PRR5L: variants seen among roughly 807,000 people sequenced by gnomAD.
The protein encoded by PRR5L is proline rich 5 like, also known as proline-rich protein 5-like.
PRR5L carries 21 observed loss-of-function variants against 36.4 expected under a neutral mutation model. That is an observed-to-expected ratio of 0.58 (90% confidence interval 0.41 to 0.83). PRR5L has a LOEUF of 0.83. Among genes scored for constraint, PRR5L ranks in the 40% least tolerant of loss-of-function variants. The probability of loss-of-function intolerance (pLI) is 0.00; values close to 1 mark genes in which losing one functional copy is unlikely to be tolerated. For missense variants in PRR5L, 381 were observed against 473.3 expected, an observed-to-expected ratio of 0.80 and a Z score of 1.81; for synonymous variants, 188 against 197.0, an observed-to-expected ratio of 0.95 and a Z score of 0.38.
At chr11:36,431,126 G>C (rs1289230965) in intron 4 of PRR5L, among the ~76,000 whole-genome samples, 2 of 152,180 alleles carry the variant, frequency 1.3e-5, no homozygotes, top group African/African-American at 4.8e-5. Context: ...GGGAAGACTT[G>C]CTGGAAGGCA....
At chr11:36,349,340 A>G (rs1856903378) in intron 1 of PRR5L, among the ~76,000 whole-genome samples, 1 of 116,926 alleles carries the variant, frequency 8.6e-6, no homozygotes, top group Admixed American at 8.3e-5. Context: ...AAAAGCAACT[A>G]AATTAAAGTT....
intron 1 of PRR5L, among the ~76,000 whole-genome samples, chr11:36,308,637 A>G (rs1856459940): frequency 1.3e-5 from 2 of 152,184 alleles, no homozygotes; most frequent in African/African-American, 4.8e-5. Flanking sequence ...ATTTTAGCTG[A>G]TGTGATAGAT....
rs74792867 is a variant in PRR5L, at chr11:36,313,502, T to C, written c.-126+17064T>C. Among the ~76,000 whole-genome samples the C allele has an allele frequency of 4.1e-3, 627 of 152,326 alleles. 4 individuals are homozygous for C. Among genetic ancestry groups the C allele is most frequent in the African/African-American group, 0.014 (596 of 41,572 alleles). ...CGTTCTGACTGGAGACACTTTGCTT[T>C]GTTGGGTAGCCAAATGCTGCCTCCT... On this transcript the variant is annotated intron_variant, in intron 1 of 8. Coordinates refer to ENST00000530639, the MANE Select transcript of PRR5L (RefSeq NM_001160167.2).
chr11:36,446,538 C>A (rs1337461838), intron 7 of PRR5L, 98 bp downstream of exon 7: 2 of 1,455,420 alleles, frequency 1.4e-6, no homozygotes, highest in Non-Finnish European at 1.9e-6. Context: ...GTGACCAGAG[C>A]ACCTTAGCTT....
chr11:36,301,638 A>G (rs1856378300), intron 1 of PRR5L, among the ~76,000 whole-genome samples: 1 of 152,136 alleles, frequency 6.6e-6, no homozygotes, highest in East Asian at 1.9e-4. Context: ...TTTAATAAAC[A>G]TACGGAGGGG....
intron 4 of PRR5L, among the ~76,000 whole-genome samples, chr11:36,421,870 C>G (rs139402797): frequency 6.6e-6 from 1 of 152,142 alleles, no homozygotes; most frequent in African/African-American, 2.4e-5. Flanking sequence ...AAATCTCCCT[C>G]GTTTGAAGAA....
intron 4 of PRR5L, among the ~76,000 whole-genome samples, chr11:36,426,833 T>C (rs1858392975): frequency 6.6e-6 from 1 of 152,208 alleles, no homozygotes; most frequent in Admixed American, 6.5e-5. Context: ...CCTTAGTGTT[T>C]ACAGAATTCC....
intron 1 of PRR5L, among the ~76,000 whole-genome samples, chr11:36,389,607 C>T (rs1356764570): frequency 8.4e-6 from 1 of 119,096 alleles, no homozygotes; most frequent in Non-Finnish European, 1.6e-5. Context: ...ATGGTGAAGC[C>T]CCATGTATTT....
intron 1 of PRR5L, among the ~76,000 whole-genome samples, chr11:36,330,549 A>G (rs1856708348): frequency 6.6e-6 from 1 of 152,186 alleles, no homozygotes; most frequent in Non-Finnish European, 1.5e-5. Context: ...TTTGTTAAAC[A>G]TGAAGCACTT....
At chr11:36,402,130 T>C (rs1216296390) in intron 2 of PRR5L, among the ~76,000 whole-genome samples, 1 of 152,246 alleles carries the variant, frequency 6.6e-6, no homozygotes, top group Non-Finnish European at 1.5e-5. Context: ...CTATGTCTTA[T>C]ATGCTTGTGG....
At chr11:36,415,993 T>C (rs1858134435) in intron 3 of PRR5L, among the ~76,000 whole-genome samples, 1 of 152,262 alleles carries the variant, frequency 6.6e-6, no homozygotes, top group Non-Finnish European at 1.5e-5. Flanking sequence ...ATGTACACAC[T>C]GTTCTGTATC....
intron 1 of PRR5L, among the ~76,000 whole-genome samples, chr11:36,371,712 G>C (rs1487500600): frequency 6.6e-6 from 1 of 152,116 alleles, no homozygotes; most frequent in Non-Finnish European, 1.5e-5. Context: ...ACACCTAAAC[G>C]TGGCAGACAT....
At chr11:36,324,823 A>C (rs950448328) in intron 1 of PRR5L, among the ~76,000 whole-genome samples, 3 of 152,188 alleles carry the variant, frequency 2.0e-5, no homozygotes, top group African/African-American at 4.8e-5. Context: ...TGTGACTTTC[A>C]AGGTATATCT....
At chr11:36,367,031 T>C (rs1265078363) in intron 1 of PRR5L, among the ~76,000 whole-genome samples, 1 of 152,238 alleles carries the variant, frequency 6.6e-6, no homozygotes, top group Admixed American at 6.5e-5. Context: ...ATTATTTATA[T>C]TATATTCATG....
Position 36,350,912 on chromosome 11 carries a change from A to ATATATATT in PRR5L, c.-125-50077_-125-50070dup, listed in dbSNP as rs1565406254. ...GAGTAGTATTCCATGGTAAATATAT[A>ATATATATT]TATATATTTATATATATTTATATAT... On this transcript the variant is annotated intron_variant, in intron 1 of 8. Transcript: ENST00000530639. Among the ~76,000 whole-genome samples, 8 of 41,852 alleles carry ATATATATT rather than the reference A, an allele frequency of 1.9e-4. 1 individual carries two copies. Among genetic ancestry groups the ATATATATT allele is most frequent in the South Asian group, 1.3e-3 (2 of 1,546 alleles). 27.5% of individuals were successfully genotyped at this position (41,852 alleles called of 152,430 possible).
intron 1 of PRR5L, among the ~76,000 whole-genome samples, chr11:36,298,160 GGACTGCCAT>G (rs1856333517): frequency 6.6e-6 from 1 of 152,002 alleles, no homozygotes; most frequent in South Asian, 2.1e-4. Context: ...TAGTTTGCTG[GGACTGCCAT>G]GACAAAATAT....
intron 3 of PRR5L, among the ~76,000 whole-genome samples, chr11:36,406,433 A>T (rs756113952): frequency 1.2e-4 from 19 of 152,330 alleles, no homozygotes; most frequent in South Asian, 4.1e-4. Context: ...CAGAGGATGG[A>T]GATAGGCTTT....
intron 1 of PRR5L, 102 bp from the exon 2 acceptor site, chr11:36,400,895 C>A: frequency 1.1e-6 from 1 of 889,296 alleles, no homozygotes; most frequent in Non-Finnish European, 1.6e-6. Flanking sequence ...CTGGGTCCCG[C>A]AGTTGTTTTC....
chr11:36,376,482 G>A, intron 1 of PRR5L: 3 of 1,097,570 alleles, frequency 2.7e-6, no homozygotes, highest in Non-Finnish European at 3.4e-6. Flanking sequence ...GAGGCTGGAC[G>A]GGACCCCATC....
Sources: gnomAD v4.1 joint callset for allele counts (sites outside exome capture counted in the v4.1 genomes callset) on GRCh38, gnomAD v4.1.1 for gene constraint, MANE v1.5 for transcripts, NCBI Gene and HGNC (gene_info 2026-07-23, HGNC 2026-07-21) for gene names.